Variants in SIPA1L1 observed in about 807,000 individuals in gnomAD.
SIPA1L1 encodes signal-induced proliferation-associated 1-like protein 1.
SIPA1L1 carries 26 observed loss-of-function variants against 162.7 expected under a neutral mutation model. The ratio of observed to expected loss-of-function variants is 0.16; its 90% CI spans 0.12 to 0.22. The LOEUF is 0.22. Among genes scored for constraint, SIPA1L1 ranks in the 10% least tolerant of loss-of-function variants. SIPA1L1 has a pLI of 1.00. For synonymous variants in SIPA1L1, 829 were observed against 837.4 expected (o/e 0.99, Z 0.17); for missense variants, 1,874 against 2,241.0 (o/e 0.84, Z 3.31).
At chr14:71,460,539 A>C (rs1286891091) in intron 2 of SIPA1L1, among the ~76,000 whole-genome samples, 4 of 152,046 alleles carry the variant, frequency 2.6e-5, no homozygotes, top group Non-Finnish European at 5.9e-5. Context: ...CTTAGTCTTG[A>C]CTTAAAGGTA....
chr14:71,502,016 C>T (rs1352224713), intron 2 of SIPA1L1, among the ~76,000 whole-genome samples: 3 of 140,272 alleles, frequency 2.1e-5, no homozygotes, highest in Admixed American at 7.5e-5. Flanking sequence ...CTACCCTGGG[C>T]GACATAGTAA....
intron 23 of SIPA1L1, 50 bp downstream of exon 23, chr14:71,738,375 T>C (rs1351253614): frequency 7.7e-7 from 1 of 1,291,652 alleles, no homozygotes; most frequent in East Asian, 2.3e-5. Context: ...AAACTACCCT[T>C]GAACCATGAG....
intron 4 of SIPA1L1, among the ~76,000 whole-genome samples, chr14:71,552,186 A>T (rs561738088): frequency 1.3e-5 from 2 of 152,310 alleles, no homozygotes; most frequent in South Asian, 4.1e-4. Context: ...GAATAAATGT[A>T]TCCTAAGCCA....
At chr14:71,486,850 A>T (rs1405811568) in intron 2 of SIPA1L1, among the ~76,000 whole-genome samples, 2 of 152,184 alleles carry the variant, frequency 1.3e-5, no homozygotes. Context: ...ATAGAACAGG[A>T]TTGATATTAC....
chr14:71,480,133 A>G (rs1373394857), intron 2 of SIPA1L1, among the ~76,000 whole-genome samples: 1 of 149,866 alleles, frequency 6.7e-6, no homozygotes, highest in Non-Finnish European at 1.5e-5. Flanking sequence ...CCCAGGCTGG[A>G]GTGCAGTTGT....
At chr14:71,328,115 A>T (rs1448819953) in intron 2 of SIPA1L1, among the ~76,000 whole-genome samples, 1 of 152,184 alleles carries the variant, frequency 6.6e-6, no homozygotes, top group Admixed American at 6.5e-5. Context: ...TTAAATTAGG[A>T]TCTTAATGAT....
intron 5 of SIPA1L1, among the ~76,000 whole-genome samples, chr14:71,603,962 TATATATAG>T (rs1054682861): frequency 6.2e-5 from 9 of 145,374 alleles, no homozygotes; most frequent in African/African-American, 2.3e-4. Flanking sequence ...TATATATATT[TATATATAG>T]ATATATTTAT....
At chr14:71,539,994 A>C (rs2145719522) in intron 4 of SIPA1L1, among the ~76,000 whole-genome samples, 1 of 152,364 alleles carries the variant, frequency 6.6e-6, no homozygotes. Flanking sequence ...GATGCCATCC[A>C]CATTTGGAAG....
chr14:71,606,078 G>T (rs61989425), intron 5 of SIPA1L1, among the ~76,000 whole-genome samples: 1 of 152,168 alleles, frequency 6.6e-6, no homozygotes, highest in African/African-American at 2.4e-5. Context: ...GGTGGGCAGG[G>T]GCTGAGTTAT....
Position 71,604,540 on chromosome 14 carries a change from A to AT in SIPA1L1, c.1499-14208dup, listed in dbSNP as rs763540022. On this transcript the variant is annotated intron_variant, in intron 5 of 23. Transcript: ENST00000381232. ...TTCCAGGGCTAGGACTCACTTAAGC[A>AT]TTTTTTTTTAGCACTGAATTTAACA... is the stretch of plus-strand genomic sequence containing the variant. 3.5e-4 allele frequency among the ~76,000 whole-genome samples: 53 copies of AT among 150,430 alleles called. No individual in the cohort carries two copies. The East Asian group carries it at 5.8e-3, about 17-fold the overall frequency.
intron 8 of SIPA1L1, among the ~76,000 whole-genome samples, chr14:71,656,887 G>A (rs2043103508): frequency 6.6e-6 from 1 of 152,216 alleles, no homozygotes; most frequent in Non-Finnish European, 1.5e-5. Flanking sequence ...TATACCCACT[G>A]AGGAGTATTT....
Position 71,588,172 on chromosome 14 carries a change from A to G in SIPA1L1, c.300A>G (p.Ile100Met). The G allele has an allele frequency of 6.2e-7, 1 of 1,614,218 alleles. No individual in the cohort carries two copies. The highest frequency in any genetic ancestry group is 8.5e-7 in the Non-Finnish European group (1 of 1,180,012). The change falls in exon 5 of 24, where the codon ATA becomes ATG. Residue 100 changes from isoleucine (I) to methionine (M), a missense_variant. Ile to Met is a conservative substitution (Grantham distance 10). Coordinates refer to ENST00000381232, the MANE Select transcript of SIPA1L1 (RefSeq NM_001386936.1). The surrounding 1 kb of genome is among the most constrained non-coding windows in gnomAD (Gnocchi z 4.3). ...AATCTAGCCGTTCAAGCCAGGAAAT[A>G]GAAACCTCAAGTTGCCTTGATAGCC... ...IKESSRSSQE[I>M]ETSSCLDSLS...
At chr14:71,492,172 C>T (rs1320338162) in intron 2 of SIPA1L1, among the ~76,000 whole-genome samples, 16 of 152,088 alleles carry the variant, frequency 1.1e-4, no homozygotes, top group Admixed American at 9.2e-4. Flanking sequence ...CTCAGTTTTT[C>T]GTGCTAGCAG....
intron 4 of SIPA1L1, among the ~76,000 whole-genome samples, chr14:71,538,745 GTC>G (rs1217549380): frequency 6.6e-6 from 1 of 151,992 alleles, no homozygotes; most frequent in Non-Finnish European, 1.5e-5. Context: ...TGGAGTTTGT[GTC>G]TGTTTTCTGG....
chr14:71,587,827 A>G lies in SIPA1L1; in HGVS notation c.-46A>G. ...GGAAGTGCACATTTAAAACACAGAT[A>G]TGATGGTCCTTGCTGCAGGGATTTA... On this transcript the variant is annotated 5_prime_UTR_variant, in exon 5 of 24. It adds an upstream start codon to the 5' untranslated region. Coordinates refer to ENST00000381232, the MANE Select transcript of SIPA1L1 (RefSeq NM_001386936.1). 6.5e-7 allele frequency: 1 copy of G among 1,545,802 alleles called. No individual in the cohort carries two copies. The highest frequency in any genetic ancestry group is 1.2e-5 in the South Asian group (1 of 83,520).
chr14:71,658,203 C>A, intron 8 of SIPA1L1, 130 bp from the exon 9 acceptor site: 1 of 601,458 alleles, frequency 1.7e-6, no homozygotes, highest in Non-Finnish European at 2.9e-6. Flanking sequence ...GGAAGAACAC[C>A]TGTCTTGTCT....
intron 17 of SIPA1L1, among the ~76,000 whole-genome samples, chr14:71,718,660 A>G (rs1011141574): frequency 9.2e-5 from 14 of 152,174 alleles, no homozygotes; most frequent in African/African-American, 2.9e-4. Context: ...AAAAGCAAAA[A>G]CAAAAATTAA....
intron 4 of SIPA1L1, among the ~76,000 whole-genome samples, chr14:71,549,538 C>T (rs1037515985): frequency 1.3e-5 from 2 of 152,160 alleles, no homozygotes; most frequent in African/African-American, 4.8e-5. Flanking sequence ...GCAAACATCT[C>T]GTATTTTTAA....
At chr14:71,591,373 A>G (rs912673454) in intron 5 of SIPA1L1, among the ~76,000 whole-genome samples, 3 of 152,290 alleles carry the variant, frequency 2.0e-5, no homozygotes, top group African/African-American at 2.4e-5. Context: ...GAACAGAGTC[A>G]TGTTCTTAAT....
Sources: allele counts gnomAD v4.1 joint callset (sites outside exome capture counted in the v4.1 genomes callset), GRCh38; gene constraint gnomAD v4.1.1; non-coding constraint Gnocchi (gnomAD v3.1); transcripts MANE v1.5; gene names NCBI Gene and HGNC (gene_info 2026-07-23, HGNC 2026-07-21).